The following RHAG variants were observed in gnomAD, a reference collection of about 807,000 sequenced individuals.
RHAG encodes Rh associated glycoprotein, also known as ammonium transporter Rh type A.
A neutral mutation model predicts 42.4 loss-of-function variants in RHAG; 25 were observed. The ratio of observed to expected loss-of-function variants is 0.59; its 90% CI spans 0.43 to 0.82. The LOEUF is 0.82. Ranked by LOEUF, RHAG falls within the 40% of genes least tolerant of loss-of-function variation. The pLI is 0.00. For missense variants in RHAG, 483 were observed against 504.6 expected, an observed-to-expected ratio of 0.96 and a Z score of 0.41; for synonymous variants, 182 against 177.7, an observed-to-expected ratio of 1.02 and a Z score of -0.19.
rs554889631 is a variant in RHAG, at chr6:49,620,447, G to A, written c.158-1085C>T. Among the ~76,000 whole-genome samples, 9 of 152,146 alleles carry A rather than the reference G, an allele frequency of 5.9e-5. No homozygotes were observed. The South Asian group carries it at 1.2e-3, about 21-fold the overall frequency. ...ATTTTTGCATTGGAAATAGTCCTTC[G>A]ATCTGAAGGAAGGATCTGGGCAGTA... is the stretch of plus-strand genomic sequence containing the variant. On this transcript the variant is annotated intron_variant, in intron 1 of 9. Transcript: ENST00000371175.
In RHAG at chr6:49,614,856, G is replaced by A; in HGVS notation, c.641-3C>T. 6.2e-7 allele frequency: 1 copy of A among 1,614,036 alleles called. No individual in the cohort carries two copies. Among genetic ancestry groups the A allele is most frequent in the Non-Finnish European group, 8.5e-7 (1 of 1,179,886 alleles). On this transcript the variant is annotated splice_polypyrimidine_tract_variant and splice_region_variant and intron_variant, in intron 4 of 9. Transcript: ENST00000371175. Reference sequence around the variant, plus strand: ...AAACATCCACAGAAAGAGAGTCCCTGTAGTGAACCAAAAGAGGGGATATTA... The same window carrying A: ...AAACATCCACAGAAAGAGAGTCCCTATAGTGAACCAAAAGAGGGGATATTA...
intron 1 of RHAG, among the ~76,000 whole-genome samples, chr6:49,621,516 C>T (rs2127354728): frequency 6.6e-6 from 1 of 152,266 alleles, no homozygotes; most frequent in Non-Finnish European, 1.5e-5. Flanking sequence ...TGATTCCCAT[C>T]CCATACCTAC....
intron 6 of RHAG, 71 bp downstream of exon 6, chr6:49,612,326 T>G (rs1762581976): frequency 6.5e-7 from 1 of 1,530,346 alleles, no homozygotes; most frequent in East Asian, 2.3e-5. Flanking sequence ...GTAGCTTTTT[T>G]TCTGCTGGTG....
In RHAG at chr6:49,636,746, A is replaced by G; in HGVS notation, c.67T>C (p.Phe23Leu). ...EIAMIVLFGL[F>L]VEYETDQTVL... is the part of the protein sequence containing the mutation. Reference sequence around the variant, plus strand: ...GTCTGGTCCGTTTCATACTCAACAAATAATCCAAATAAAACAATCATGGCA... The same window carrying G: ...GTCTGGTCCGTTTCATACTCAACAAGTAATCCAAATAAAACAATCATGGCA... Residue 23 changes from phenylalanine to leucine, a missense_variant, in exon 1 of 10, where the codon TTT becomes CTT. Physicochemically the swap from Phe to Leu is conservative, Grantham distance 22. Coordinates refer to ENST00000371175, the MANE Select transcript of RHAG (RefSeq NM_000324.3). 6.2e-7 allele frequency: 1 copy of G among 1,614,036 alleles called. No individual in the cohort carries two copies.
intron 3 of RHAG, 53 bp from the exon 4 acceptor site, chr6:49,615,824 A>G (rs956374024): frequency 1.9e-5 from 29 of 1,561,174 alleles, no homozygotes; most frequent in Non-Finnish European, 2.5e-5. Flanking sequence ...AGACTCATTT[A>G]TGGGAGGAAA....
intron 1 of RHAG, among the ~76,000 whole-genome samples, chr6:49,633,435 G>A (rs1422203284): frequency 6.6e-6 from 1 of 152,116 alleles, no homozygotes; most frequent in East Asian, 1.9e-4. Flanking sequence ...TATTTGAAAT[G>A]TAGGGAAATC....
chr6:49,610,249 T>C (rs1441625418), intron 7 of RHAG, among the ~76,000 whole-genome samples: 1 of 152,136 alleles, frequency 6.6e-6, no homozygotes, highest in Non-Finnish European at 1.5e-5. Flanking sequence ...TTTAAAAAAA[T>C]TGAGCATTCT....
At chr6:49,620,060 T>C (rs1762727912) in intron 1 of RHAG, among the ~76,000 whole-genome samples, 1 of 152,198 alleles carries the variant, frequency 6.6e-6, no homozygotes, top group Non-Finnish European at 1.5e-5. Flanking sequence ...TTGTTAGCAC[T>C]TTATGAACCA....
At chr6:49,615,028 A>T (rs993842971) in intron 4 of RHAG, 175 bp from the exon 5 acceptor site, 2 of 609,052 alleles carry the variant, frequency 3.3e-6, no homozygotes, top group Non-Finnish European at 5.7e-6. Flanking sequence ...GCTAACTGCA[A>T]CTTCCACCTC....
rs1384701767 is a variant in RHAG at position 49,605,446 on chromosome 6, A to G, written c.*367T>C. 1 of 274,824 alleles carries G rather than the reference A, an allele frequency of 3.6e-6. No homozygotes were observed. Among genetic ancestry groups the G allele is most frequent in the Non-Finnish European group, 7.0e-6 (1 of 142,456 alleles). The allele number at this position is 274,824 out of a possible 1,614,324, so 17.0% of individuals were successfully genotyped here. On this transcript the variant is annotated 3_prime_UTR_variant, in exon 10 of 10. Coordinates refer to ENST00000371175, the MANE Select transcript of RHAG (RefSeq NM_000324.3). ...CTTGCTTCATGGGTTTCAGTTTTAT[A>G]ATTTTTGGGATTGAAGACATAGTGT...
Position 49,636,800 on chromosome 6 carries a change from A to T in RHAG, c.13T>A (p.Phe5Ile). 1 of 1,613,762 alleles carries T rather than the reference A, an allele frequency of 6.2e-7. No individual in the cohort carries two copies. Among genetic ancestry groups the T allele is most frequent in the Non-Finnish European group, 8.5e-7 (1 of 1,179,704 alleles). Residue 5 changes from phenylalanine (F) to isoleucine (I), a missense_variant, in exon 1 of 10, where the codon TTC (phenylalanine) becomes ATC (isoleucine). By Grantham distance (21) the Phe-to-Ile change is conservative. Transcript: ENST00000371175. Reference protein sequence around the residue: MRFTFPLMAIVLEIA... With the variant: MRFTIPLMAIVLEIA... ...TCCAGGACTATAGCCATGAGAGGGAATGTGAACCTCATGTTTGTGGCAAAG... is the reference window on the plus strand; with the variant it reads ...TCCAGGACTATAGCCATGAGAGGGATTGTGAACCTCATGTTTGTGGCAAAG...
intron 1 of RHAG, among the ~76,000 whole-genome samples, chr6:49,628,954 A>G (rs1205826241): frequency 1.3e-5 from 2 of 152,204 alleles, no homozygotes; most frequent in Non-Finnish European, 2.9e-5. Flanking sequence ...TGGCTCAGGT[A>G]GCCTGCTTTT....
chr6:49,619,310 G>A lies in RHAG; in HGVS notation c.210C>T (p.Thr70=). ...TGCTGAAGCCATATTTCTTCAGGAAGGTCATGAGGAAGCCAAACCCAACAA... is the reference window on the plus strand; with the variant it reads ...TGCTGAAGCCATATTTCTTCAGGAAAGTCATGAGGAAGCCAAACCCAACAA... ...MIFVGFGFLM[T]FLKKYGFSSV... is the part of the protein sequence containing the mutation. The change falls in exon 2 of 10, where the codon ACC becomes ACT. Residue 70 remains threonine (T), a synonymous_variant. Transcript: ENST00000371175. The A allele has an allele frequency of 6.2e-7, 1 of 1,614,060 alleles. No homozygotes were observed. The highest frequency in any genetic ancestry group is 8.5e-7 in the Non-Finnish European group (1 of 1,180,002).
chr6:49,614,679 G>A lies in RHAG; in HGVS notation c.807+8C>T, dbSNP rs768039710. The stretch of plus-strand genomic sequence containing the variant: ...CAAAATTTCCATGAGGGCTAAGGCG[G>A]CACTTACCATGTTGAGCTTGCCTCG... On this transcript the variant is annotated splice_region_variant and intron_variant, in intron 5 of 9. Transcript: ENST00000371175. 6.2e-7 allele frequency: 1 copy of A among 1,613,046 alleles called. No homozygotes were observed. Among genetic ancestry groups the A allele is most frequent in the East Asian group, 2.2e-5 (1 of 44,852 alleles).
chr6:49,615,604 G>A lies in RHAG; in HGVS notation c.640+20C>T. ...GCCTTTTCAAATAGATAAGATTCAA[G>A]CAAGTTTATCCACACTCACCAATCA... On this transcript the variant is annotated intron_variant, in intron 4 of 9. Coordinates refer to ENST00000371175, the MANE Select transcript of RHAG (RefSeq NM_000324.3). The A allele has an allele frequency of 4.3e-6, 7 of 1,613,484 alleles. No homozygotes were observed. The highest frequency in any genetic ancestry group is 4.2e-6 in the Non-Finnish European group (5 of 1,179,592).
At chr6:49,621,950 A>T (rs1162120477) in intron 1 of RHAG, among the ~76,000 whole-genome samples, 1 of 149,666 alleles carries the variant, frequency 6.7e-6, no homozygotes, top group Non-Finnish European at 1.5e-5. Flanking sequence ...CATTTTGTTC[A>T]TTTTTTTTAA....
chr6:49,636,625 A>G lies in RHAG; in HGVS notation c.157+31T>C, dbSNP rs745856474. ...TTCTGAGAAACCGAAGAACCGAAAAATGTATAGTAAGTAGTAAATTGCCTA... is the reference window on the plus strand; with the variant it reads ...TTCTGAGAAACCGAAGAACCGAAAAGTGTATAGTAAGTAGTAAATTGCCTA... On this transcript the variant is annotated intron_variant, in intron 1 of 9. Coordinates refer to ENST00000371175, the MANE Select transcript of RHAG (RefSeq NM_000324.3). 5 of 1,611,986 alleles carry G rather than the reference A, an allele frequency of 3.1e-6. No homozygotes were observed. In the East Asian group the frequency reaches 6.7e-5, roughly 22 times the overall value.
intron 6 of RHAG, among the ~76,000 whole-genome samples, chr6:49,611,392 TAA>T (rs1162398066): frequency 2.6e-5 from 4 of 152,190 alleles, no homozygotes; most frequent in African/African-American, 4.8e-5. Context: ...TTTTTTGTGT[TAA>T]GAGTAGCTAA....
chr6:49,622,440 G>C (rs1762773149), intron 1 of RHAG, among the ~76,000 whole-genome samples: 1 of 152,086 alleles, frequency 6.6e-6, no homozygotes, highest in Non-Finnish European at 1.5e-5. Flanking sequence ...TCGAACTCCT[G>C]ACCTTGTGAT....
Sources: allele counts gnomAD v4.1 joint callset (sites outside exome capture counted in the v4.1 genomes callset), GRCh38; gene constraint gnomAD v4.1.1; transcripts MANE v1.5; gene names NCBI Gene and HGNC (gene_info 2026-07-23, HGNC 2026-07-21).